The following R3HDM1 variants were observed in gnomAD, a reference collection of about 807,000 sequenced individuals.
The protein encoded by R3HDM1 is R3H domain containing 1.
Under a neutral mutation model 141.1 loss-of-function variants are expected in R3HDM1, and 46 were observed. The observed-to-expected ratio is 0.33, with a 90% CI of 0.26 to 0.42. The LOEUF (loss-of-function observed/expected upper bound fraction) is 0.42, where lower values mean the gene tolerates loss of function less well. Among genes scored for constraint, R3HDM1 ranks in the 10% least tolerant of loss-of-function variants. The pLI is 1.00. For synonymous variants in R3HDM1, 435 were observed against 472.9 expected, an observed-to-expected ratio of 0.92 and a Z score of 1.04; for missense variants, 1,184 against 1,368.3, an observed-to-expected ratio of 0.87 and a Z score of 2.12.
chr2:135,640,175 A>T (rs1333002644), intron 14 of R3HDM1, among the ~76,000 whole-genome samples: 1 of 152,164 alleles, frequency 6.6e-6, no homozygotes, highest in Non-Finnish European at 1.5e-5. Context: ...AAGGTATTGT[A>T]CACGTAAGAA....
At position 135,563,415 on chromosome 2, in the gene R3HDM1, T is replaced by C. The variant is rs184571445; in HGVS notation, c.-250+31782T>C. 2.6e-5 allele frequency among the ~76,000 whole-genome samples: 4 copies of C among 152,372 alleles called. No individual in the cohort carries two copies. In the East Asian group the frequency reaches 7.7e-4, roughly 29 times the overall value. ...GCTGCCACGACTCCTAGGTCCAGAT[T>C]TGATCCACTGTCAATTCTGCATCAG... On this transcript the variant is annotated intron_variant, in intron 1 of 26. Coordinates refer to ENST00000683871, the MANE Select transcript of R3HDM1 (RefSeq NM_001378107.1).
intron 5 of R3HDM1, among the ~76,000 whole-genome samples, chr2:135,619,176 T>A (rs2061335275): frequency 6.6e-6 from 1 of 152,190 alleles, no homozygotes; most frequent in Non-Finnish European, 1.5e-5. Context: ...TTCATGACAG[T>A]CTAAAGAGAT....
intron 1 of R3HDM1, among the ~76,000 whole-genome samples, chr2:135,550,491 G>A (rs1699629164): frequency 6.6e-6 from 1 of 152,166 alleles, no homozygotes; most frequent in Non-Finnish European, 1.5e-5. Flanking sequence ...ATTTTAGAAA[G>A]GGCTTATCTT....
chr2:135,616,234 T>G, intron 4 of R3HDM1, 41 bp downstream of exon 4: 1 of 1,551,718 alleles, frequency 6.4e-7, no homozygotes, highest in East Asian at 2.3e-5. Context: ...CCAAGGGCCT[T>G]CCTTCATGCT....
rs776408994 is a variant in R3HDM1 at position 135,638,672 on chromosome 2, CATCT to C, written c.941+18_941+21del. ...TGACAAAAGGTGAGGGAATTTTTAA[CATCT>C]GTTTTGGTAATTGTCTGACTGATGC... On this transcript the variant is annotated intron_variant, in intron 12 of 26. Coordinates refer to ENST00000683871, the MANE Select transcript of R3HDM1 (RefSeq NM_001378107.1). 11 of 1,610,748 alleles carry C rather than the reference CATCT, an allele frequency of 6.8e-6. No homozygotes were observed. The African/African-American group carries it at 1.5e-4, about 22-fold the overall frequency.
At chr2:135,651,273 A>G (rs1467855568) in intron 17 of R3HDM1, 2 of 985,194 alleles carry the variant, frequency 2.0e-6, no homozygotes, top group Non-Finnish European at 2.4e-6. Flanking sequence ...ACAAAAATGC[A>G]TAGAATTTGC....
chr2:135,656,364 TGGTATGCCATGTCATACCAGATTCA>T (rs976176055), intron 18 of R3HDM1: 1 of 152,166 alleles, frequency 6.6e-6, no homozygotes, highest in African/African-American at 2.4e-5. Flanking sequence ...ATTTTTGACA[TGGTATGCCATGTCATACCAGATTCA>T]GGTATGCCAC....
intron 7 of R3HDM1, 53 bp downstream of exon 7, chr2:135,622,785 C>A: frequency 6.8e-7 from 1 of 1,478,236 alleles, no homozygotes; most frequent in Non-Finnish European, 9.1e-7. Context: ...CATAATTTTG[C>A]TATATATGTT....
chr2:135,723,639 T>C (rs1024813298), intron 26 of R3HDM1, among the ~76,000 whole-genome samples: 1 of 151,176 alleles, frequency 6.6e-6, no homozygotes, highest in Non-Finnish European at 1.5e-5. Flanking sequence ...TAGCTGGGCA[T>C]GGTGGCGGGC....
intron 1 of R3HDM1, among the ~76,000 whole-genome samples, chr2:135,563,811 C>T (rs1702234232): frequency 6.6e-6 from 1 of 152,094 alleles, no homozygotes; most frequent in Admixed American, 6.6e-5. Context: ...AATACCTGAG[C>T]ATGGGTAACT....
chr2:135,574,504 G>A (rs1704917454), intron 1 of R3HDM1, among the ~76,000 whole-genome samples: 1 of 152,164 alleles, frequency 6.6e-6, no homozygotes, highest in Non-Finnish European at 1.5e-5. Flanking sequence ...AACAAATATA[G>A]TATTGATACT....
At position 135,724,028 on chromosome 2, in the gene R3HDM1, C is replaced by A; in HGVS notation, c.3141C>A (p.Gly1047=). The A allele has an allele frequency of 6.2e-7, 1 of 1,613,978 alleles. No homozygotes were observed. Among genetic ancestry groups the A allele is most frequent in the Non-Finnish European group, 8.5e-7 (1 of 1,179,974 alleles). ...TTTTTGGGGAACTCTTTAAAATTGG[C>A]GCCAAGATCCGGTGGCTCCGGGACC... is the stretch of plus-strand genomic sequence containing the variant. ...EKLFGELFKI[G]AKIRWLRDPQ... is the part of the protein sequence containing the mutation. Residue 1047 remains glycine (G), a synonymous_variant, in exon 27 of 27, where the codon GGC becomes GGA. Transcript: ENST00000683871.
At chr2:135,659,049 C>CTGTGTGTGTGTGTGTGTGTGTG (rs548436817) in intron 18 of R3HDM1, among the ~76,000 whole-genome samples, 7 of 126,402 alleles carry the variant, frequency 5.5e-5, no homozygotes, top group Admixed American at 2.4e-4. Context: ...CTACCTGAGT[C>CTGTGTGTGTGTGTGTGTGTGTG]TGTGTGTGTG....
At chr2:135,713,956 G>A (rs1020412510) in intron 23 of R3HDM1, among the ~76,000 whole-genome samples, 2 of 152,014 alleles carry the variant, frequency 1.3e-5, no homozygotes, top group Non-Finnish European at 2.9e-5. Context: ...AAATGAAACT[G>A]TCTTACCTTA....
chr2:135,619,687 G>A lies in R3HDM1; in HGVS notation c.304-1807G>A, dbSNP rs975411334. The A allele has an allele frequency of 7.6e-6, 7 of 919,182 alleles. No homozygotes were observed. In the African/African-American group the frequency reaches 1.3e-4, roughly 17 times the overall value. The allele number at this position is 919,182 out of a possible 1,614,324, so 56.9% of individuals were successfully genotyped here. A position where few individuals can be genotyped will look rare whatever the true frequency, so the allele number is the denominator to read the frequency against. On this transcript the variant is annotated intron_variant, in intron 5 of 26. Coordinates refer to ENST00000683871, the MANE Select transcript of R3HDM1 (RefSeq NM_001378107.1). The stretch of plus-strand genomic sequence containing the variant: ...GAAAATAAATTATTTCTCATGAAAG[G>A]TACTAGTATCTAATCCTTGATGGTA...
intron 1 of R3HDM1, among the ~76,000 whole-genome samples, chr2:135,560,180 G>A (rs1039060511): frequency 5.3e-5 from 8 of 152,120 alleles, no homozygotes; most frequent in African/African-American, 1.2e-4. Context: ...CAAGTTCTTA[G>A]GATTTATTAG....
At position 135,624,347 on chromosome 2, in the gene R3HDM1, A is replaced by G. The variant is rs2061793936; in HGVS notation, c.497+1615A>G. ...GAGGCAGAGCTTGCAGTGAGTAGAG[A>G]TGCGCCACTGCACTCCAGCCTGGGC... On this transcript the variant is annotated intron_variant, in intron 7 of 26. Coordinates refer to ENST00000683871, the MANE Select transcript of R3HDM1 (RefSeq NM_001378107.1). 1.3e-5 allele frequency among the ~76,000 whole-genome samples: 2 copies of G among 149,056 alleles called. 1 individual carries two copies. Among genetic ancestry groups the G allele is most frequent in the Non-Finnish European group, 3.0e-5 (2 of 67,418 alleles).
chr2:135,554,338 G>A (rs1222327308), intron 1 of R3HDM1, among the ~76,000 whole-genome samples: 1 of 152,200 alleles, frequency 6.6e-6, no homozygotes, highest in Non-Finnish European at 1.5e-5. Flanking sequence ...GTTGTAGCAT[G>A]AATCAGTACT....
At chr2:135,659,163 T>C (rs994619673) in intron 18 of R3HDM1, among the ~76,000 whole-genome samples, 2 of 151,930 alleles carry the variant, frequency 1.3e-5, no homozygotes, top group Non-Finnish European at 2.9e-5. Flanking sequence ...AATGGCACGA[T>C]CTTGGCTCAC....
Sources: allele counts gnomAD v4.1 joint callset (sites outside exome capture counted in the v4.1 genomes callset), GRCh38; gene constraint gnomAD v4.1.1; transcripts MANE v1.5; gene names NCBI Gene and HGNC (gene_info 2026-07-23, HGNC 2026-07-21).